The following TIAM2 variants were observed in gnomAD, a reference collection of about 807,000 sequenced individuals.
The protein encoded by TIAM2 is rho guanine nucleotide exchange factor TIAM2.
TIAM2 carries 80 observed loss-of-function variants against 152.9 expected under a neutral mutation model. The observed-to-expected ratio is 0.52, with a 90% CI of 0.44 to 0.63. TIAM2 has a LOEUF of 0.63. TIAM2 is among the 30% of genes least tolerant of loss of function. The pLI, the probability that TIAM2 is intolerant of heterozygous loss-of-function variation, is 0.00. For synonymous variants in TIAM2, 804 were observed against 838.0 expected (o/e 0.96, Z 0.70); for missense variants, 1,965 against 2,120.1 (o/e 0.93, Z 1.44).
rs17086005 is a variant in TIAM2 at position 155,154,374 on chromosome 6, A to G, written c.2028+6040A>G. 5.2e-3 allele frequency among the ~76,000 whole-genome samples: 790 copies of G among 152,260 alleles called. 12 individuals are homozygous for G. Among genetic ancestry groups the G allele is most frequent in the African/African-American group, 0.018 (763 of 41,552 alleles). ...TTTTGAAATAAAAAGGCACTATCGC[A>G]GTTGTAACATACCGGCTGAGCTACA... On this transcript the variant is annotated intron_variant, in intron 7 of 26. Coordinates refer to ENST00000682666, the MANE Select transcript of TIAM2 (RefSeq NM_012454.4).
intron 2 of TIAM2, among the ~76,000 whole-genome samples, chr6:155,098,846 G>A (rs1304672689): frequency 3.3e-5 from 5 of 152,152 alleles, no homozygotes; most frequent in African/African-American, 1.2e-4. Flanking sequence ...GTCATTTGAT[G>A]ATATTATTGG....
chr6:154,996,245 C>A (rs539333832), intron 1 of TIAM2, among the ~76,000 whole-genome samples: 50 of 152,234 alleles, frequency 3.3e-4, no homozygotes, highest in East Asian at 1.2e-3. Context: ...CTTTAAGGAG[C>A]GGCGAAATTT....
rs1779861088 is a variant in TIAM2, at chr6:155,148,190, GA to G, written c.1887del (p.Glu630ArgfsTer7). ...CATCCCTTTTTGCAAAGAAGCATGG[GA>G]AAGAGGACACGCTGCGGCTGCTGAA... Reference protein sequence around the residue: ...CASLFAKKHGKEDTLRLLKNQ... With the variant: ...CASLFAKKHGXEDTLRLLKNQ... On this transcript the variant is annotated frameshift_variant, in exon 7 of 27. Transcript: ENST00000682666. LOFTEE classifies it high-confidence loss of function. 3 of 1,613,548 alleles carry G rather than the reference GA, an allele frequency of 1.9e-6. No homozygotes were observed. Among genetic ancestry groups the G allele is most frequent in the Non-Finnish European group, 2.5e-6 (3 of 1,180,022 alleles).
chr6:155,196,539 C>G (rs999733303), intron 14 of TIAM2, among the ~76,000 whole-genome samples: 3 of 152,020 alleles, frequency 2.0e-5, no homozygotes, highest in African/African-American at 7.3e-5. Flanking sequence ...ATAATCTTAC[C>G]TAGAAGATGC....
intron 26 of TIAM2, chr6:155,256,161 T>TACC: frequency 2.0e-6 from 1 of 503,692 alleles, no homozygotes; most frequent in East Asian, 3.5e-5. Flanking sequence ...GATTTATTAT[T>TACC]ACCAATTAAC....
At chr6:155,018,256 T>C (rs1778632658) in intron 1 of TIAM2, among the ~76,000 whole-genome samples, 1 of 148,648 alleles carries the variant, frequency 6.7e-6, no homozygotes, top group Non-Finnish European at 1.5e-5. Flanking sequence ...AAGGTGTATA[T>C]ATGTGTGTGC....
chr6:155,188,327 C>T (rs1369184010), intron 14 of TIAM2, among the ~76,000 whole-genome samples: 1 of 152,152 alleles, frequency 6.6e-6, no homozygotes, highest in Non-Finnish European at 1.5e-5. Context: ...CTCCACTATG[C>T]CTGTGATGCT....
intron 9 of TIAM2, among the ~76,000 whole-genome samples, chr6:155,169,761 G>T (rs990524314): frequency 1.3e-5 from 2 of 152,016 alleles, no homozygotes; most frequent in Non-Finnish European, 2.9e-5. Context: ...TCTTCCTAGT[G>T]CCTTTTTCAA....
At chr6:155,172,407 A>G (rs1223026118) in intron 9 of TIAM2, among the ~76,000 whole-genome samples, 2 of 151,908 alleles carry the variant, frequency 1.3e-5, no homozygotes, top group African/African-American at 4.8e-5. Context: ...GCTTCCAAAA[A>G]AAATCTTTAC....
chr6:155,171,517 A>C (rs532217618), intron 9 of TIAM2, among the ~76,000 whole-genome samples: 31 of 152,340 alleles, frequency 2.0e-4, no homozygotes, highest in Non-Finnish European at 3.7e-4. Flanking sequence ...CAGTGAGTGA[A>C]TGCAGTATTG....
intron 2 of TIAM2, among the ~76,000 whole-genome samples, chr6:155,117,641 C>G (rs995830561): frequency 6.6e-6 from 1 of 152,182 alleles, no homozygotes; most frequent in Admixed American, 6.5e-5. Context: ...CGGGGTTTCA[C>G]CATGTTGATC....
intron 5 of TIAM2, 50 bp downstream of exon 5, chr6:155,137,662 C>A: frequency 6.6e-7 from 1 of 1,505,508 alleles, no homozygotes; most frequent in South Asian, 1.3e-5. Context: ...TTCCGCCAGC[C>A]GTGCTCTTTG....
chr6:155,253,730 G>C, intron 24 of TIAM2: 1 of 416,700 alleles, frequency 2.4e-6, no homozygotes. Context: ...AGGGGCTCCA[G>C]AGAGAGGGTG....
At chr6:155,032,738 G>A (rs993382234) in intron 1 of TIAM2, among the ~76,000 whole-genome samples, 3 of 152,056 alleles carry the variant, frequency 2.0e-5, no homozygotes, top group South Asian at 2.1e-4. Context: ...GACGGGTTTC[G>A]CCATGTTGGC....
chr6:155,213,387 G>T lies in TIAM2; in HGVS notation c.3168+2080G>T, dbSNP rs891590145. Among the ~76,000 whole-genome samples the T allele has an allele frequency of 3.3e-5, 5 of 152,178 alleles. No homozygotes were observed. The highest frequency in any genetic ancestry group is 1.2e-4 in the African/African-American group (5 of 41,442). ...AGTGGGTAGCTCCTCTCCACAGCTG[G>T]TAGTACTAATGTCTGCTTAGCTTTA... On this transcript the variant is annotated intron_variant, in intron 15 of 26. Transcript: ENST00000682666. The surrounding 1 kb of genome is among the most constrained non-coding windows in gnomAD (Gnocchi z 4.2).
At chr6:155,033,611 A>G (rs753653391) in intron 1 of TIAM2, among the ~76,000 whole-genome samples, 3 of 151,950 alleles carry the variant, frequency 2.0e-5, no homozygotes, top group Non-Finnish European at 2.9e-5. Flanking sequence ...CCCCAGAAAT[A>G]TTTCACACGC....
chr6:155,156,649 T>C lies in TIAM2; in HGVS notation c.2029-7766T>C, dbSNP rs1780123511. Among the ~76,000 whole-genome samples the C allele has an allele frequency of 1.3e-5, 2 of 151,912 alleles. No individual in the cohort carries two copies. Among genetic ancestry groups the C allele is most frequent in the Admixed American group, 1.3e-4 (2 of 15,238 alleles). On this transcript the variant is annotated intron_variant, in intron 7 of 26. Coordinates refer to ENST00000682666, the MANE Select transcript of TIAM2 (RefSeq NM_012454.4). This position sits in a 1 kb window ranked among gnomAD's most constrained non-coding sequence, Gnocchi z 4.4. Reference sequence around the variant, plus strand: ...CTCCAGCCTGGGCAACAGAGTGATATGTCTCAAAATAAATAAATAAATAAA... The same window carrying C: ...CTCCAGCCTGGGCAACAGAGTGATACGTCTCAAAATAAATAAATAAATAAA...
intron 9 of TIAM2, among the ~76,000 whole-genome samples, chr6:155,172,037 G>A (rs73795339): frequency 0.096 from 14,544 of 152,194 alleles, 825 homozygotes; most frequent in Middle Eastern, 0.16. Flanking sequence ...GAGAACACAC[G>A]GAGTTTCAAT....
chr6:155,041,555 A>G lies in TIAM2; in HGVS notation c.-209+46063A>G, dbSNP rs1777048023. Among the ~76,000 whole-genome samples, 4 of 152,228 alleles carry G rather than the reference A, an allele frequency of 2.6e-5. No homozygotes were observed. In the South Asian group the frequency reaches 8.3e-4, roughly 32 times the overall value. ...TCTGAATTTCTGAGTGTGATCAGCA[A>G]AAGAAAAAGGAATTAAAAAAAGAAG... is the stretch of plus-strand genomic sequence containing the variant. On this transcript the variant is annotated intron_variant, in intron 1 of 26. Transcript: ENST00000682666.
Sources: allele counts gnomAD v4.1 joint callset (sites outside exome capture counted in the v4.1 genomes callset), GRCh38; gene constraint gnomAD v4.1.1; non-coding constraint Gnocchi (gnomAD v3.1); transcripts MANE v1.5; gene names NCBI Gene and HGNC (gene_info 2026-07-23, HGNC 2026-07-21).